The following FOXO1 variants were observed in gnomAD, a reference collection of about 807,000 sequenced individuals.
FOXO1 encodes the protein forkhead box O1.
Under a neutral mutation model 44.1 loss-of-function variants are expected in FOXO1, and 6 were observed. That is an observed-to-expected ratio of 0.14 (90% CI 0.07 to 0.27). The LOEUF (loss-of-function observed/expected upper bound fraction) is 0.27. Ranked by LOEUF, FOXO1 falls within the 10% of genes least tolerant of loss-of-function variation. FOXO1 has a pLI of 1.00. For missense variants in FOXO1, 737 were observed against 888.8 expected, an observed-to-expected ratio of 0.83 and a Z score of 2.17; for synonymous variants, 380 against 362.7, an observed-to-expected ratio of 1.05 and a Z score of -0.54.
rs113762195 is a variant in FOXO1, at chr13:40,634,803, G to A, written c.630+30780C>T. Among the ~76,000 whole-genome samples the A allele has an allele frequency of 9.1e-3, 1,382 of 151,912 alleles. 14 individuals carry two copies. The highest frequency in any genetic ancestry group is 0.014 in the Middle Eastern group (4 of 292). On this transcript the variant is annotated intron_variant, in intron 1 of 2. Coordinates refer to ENST00000379561, the MANE Select transcript of FOXO1 (RefSeq NM_002015.4). ...CAAGCAATTCTCCTTCCTCAGCCCC[G>A]AGTAGCTGGGATTACAGGTGCCCAC...
chr13:40,558,927 G>GTT lies in FOXO1; in HGVS notation c.*120_*121dup, dbSNP rs200144910. The stretch of plus-strand genomic sequence containing the variant: ...GGAAAAAAGGAGGGTTTTTTTTTTT[G>GTT]TTTTTTTTTTTAACCAAGAAAACTA... On this transcript the variant is annotated 3_prime_UTR_variant, in exon 3 of 3. Coordinates refer to ENST00000379561, the MANE Select transcript of FOXO1 (RefSeq NM_002015.4). 6,168 of 348,714 alleles carry GTT rather than the reference G, an allele frequency of 0.018. 21 individuals carry two copies. The highest frequency in any genetic ancestry group is 0.036 in the East Asian group (820 of 22,476). The allele number at this position is 348,714 out of a possible 1,614,324, so 21.6% of individuals were successfully genotyped here.
rs541520730 is a variant in FOXO1 at position 40,566,994 on chromosome 13, T to TA, written c.631-6135dup. The stretch of plus-strand genomic sequence containing the variant: ...CCTCTGCTTGCAGCTCTCTGCCTCC[T>TA]AAGAGCTGAGCCTGGCTGCCTTCCC... On this transcript the variant is annotated intron_variant, in intron 1 of 2. Coordinates refer to ENST00000379561, the MANE Select transcript of FOXO1 (RefSeq NM_002015.4). Among the ~76,000 whole-genome samples, 23 of 152,262 alleles carry TA rather than the reference T, an allele frequency of 1.5e-4. 1 individual carries two copies. Among genetic ancestry groups the TA allele is most frequent in the Admixed American group, 1.3e-3 (20 of 15,300 alleles).
intron 1 of FOXO1, among the ~76,000 whole-genome samples, chr13:40,585,341 G>GTGCA (rs1555248744): frequency 1.1e-5 from 1 of 94,690 alleles, no homozygotes; most frequent in Non-Finnish European, 2.0e-5. Flanking sequence ...CTCTGCGCGC[G>GTGCA]CGCACACACA....
At chr13:40,573,282 G>C (rs948321164) in intron 1 of FOXO1, among the ~76,000 whole-genome samples, 1 of 152,170 alleles carries the variant, frequency 6.6e-6, no homozygotes, top group African/African-American at 2.4e-5. Flanking sequence ...CTGTGTCAGA[G>C]GTGCCCACCA....
intron 1 of FOXO1, among the ~76,000 whole-genome samples, chr13:40,650,581 C>G (rs1222680408): frequency 6.6e-6 from 1 of 152,184 alleles, no homozygotes; most frequent in Admixed American, 6.5e-5. Context: ...CAAAGAAGGG[C>G]AGTGACACCC....
intron 1 of FOXO1, among the ~76,000 whole-genome samples, chr13:40,594,726 C>T (rs1875513434): frequency 6.6e-6 from 1 of 152,260 alleles, no homozygotes; most frequent in South Asian, 2.1e-4. Flanking sequence ...TGCTCTGACA[C>T]CCAGGCTGGA....
intron 1 of FOXO1, among the ~76,000 whole-genome samples, chr13:40,566,133 G>T (rs1874260076): frequency 6.6e-6 from 1 of 152,220 alleles, no homozygotes; most frequent in African/African-American, 2.4e-5. Flanking sequence ...TCTGGACACA[G>T]CCAGCATGTG....
At chr13:40,651,093 T>TG (rs1463872949) in intron 1 of FOXO1, among the ~76,000 whole-genome samples, 24 of 117,214 alleles carry the variant, frequency 2.0e-4, no homozygotes, top group African/African-American at 9.3e-4. Flanking sequence ...GGTTTTTTGT[T>TG]TTTTGTTTTT....
intron 1 of FOXO1, among the ~76,000 whole-genome samples, chr13:40,597,955 C>T (rs1016364989): frequency 2.6e-5 from 4 of 152,160 alleles, no homozygotes; most frequent in African/African-American, 7.2e-5. Context: ...GTTATGGTGG[C>T]GGGCGGTGCT....
chr13:40,601,024 C>G (rs976870917), intron 1 of FOXO1, among the ~76,000 whole-genome samples: 1 of 152,164 alleles, frequency 6.6e-6, no homozygotes, highest in Non-Finnish European at 1.5e-5. Flanking sequence ...TGAGTCTGGG[C>G]TATGACTGGT....
At chr13:40,651,584 ACTG>A (rs1414720572) in intron 1 of FOXO1, among the ~76,000 whole-genome samples, 3 of 152,124 alleles carry the variant, frequency 2.0e-5, no homozygotes, top group Non-Finnish European at 4.4e-5. Context: ...GTAGTCATCA[ACTG>A]CTAAATGTTT....
intron 1 of FOXO1, chr13:40,621,224 G>A (rs768964755): frequency 2.8e-6 from 2 of 708,974 alleles, no homozygotes; most frequent in Middle Eastern, 2.6e-4. Context: ...CTGGAAACAA[G>A]CTCAGGCAAT....
chr13:40,651,610 T>G (rs1206369064), intron 1 of FOXO1, among the ~76,000 whole-genome samples: 1 of 151,964 alleles, frequency 6.6e-6, no homozygotes, highest in Non-Finnish European at 1.5e-5. Context: ...AAATAGTGTT[T>G]TATCATCATC....
chr13:40,590,177 T>A (rs984075820), intron 1 of FOXO1, among the ~76,000 whole-genome samples: 1 of 152,196 alleles, frequency 6.6e-6, no homozygotes, highest in African/African-American at 2.4e-5. Flanking sequence ...GAATGACTAT[T>A]CTGGCATAGT....
chr13:40,618,962 AAAC>A (rs1566077247), intron 1 of FOXO1: 1 of 524,282 alleles, frequency 1.9e-6, no homozygotes, highest in Non-Finnish European at 3.8e-6. Flanking sequence ...TGGGGTCAAC[AAAC>A]AACTAGCATC....
At chr13:40,604,439 G>T (rs1469695876) in intron 1 of FOXO1, among the ~76,000 whole-genome samples, 2 of 150,324 alleles carry the variant, frequency 1.3e-5, no homozygotes, top group Non-Finnish European at 3.0e-5. Flanking sequence ...TCTGTATGTG[G>T]TTCTCTTGGT....
chr13:40,647,687 G>A (rs1369395720), intron 1 of FOXO1, among the ~76,000 whole-genome samples: 1 of 152,172 alleles, frequency 6.6e-6, no homozygotes, highest in Non-Finnish European at 1.5e-5. Flanking sequence ...TCACAGGCAT[G>A]AGCCACCGCG....
At chr13:40,597,108 C>G (rs950477053) in intron 1 of FOXO1, among the ~76,000 whole-genome samples, 3 of 152,306 alleles carry the variant, frequency 2.0e-5, no homozygotes, top group African/African-American at 7.2e-5. Flanking sequence ...ATTGATCACA[C>G]GGGGGAGCCT....
At chr13:40,608,204 G>A (rs1269306049) in intron 1 of FOXO1, among the ~76,000 whole-genome samples, 2 of 152,130 alleles carry the variant, frequency 1.3e-5, no homozygotes, top group African/African-American at 4.8e-5. Context: ...TTCACTCCCT[G>A]GTAATTGTAT....
Sources: gnomAD v4.1 joint callset for allele counts (sites outside exome capture counted in the v4.1 genomes callset) on GRCh38, gnomAD v4.1.1 for gene constraint, MANE v1.5 for transcripts, NCBI Gene and HGNC (gene_info 2026-07-23, HGNC 2026-07-21) for gene names.